Variants in XPO6 observed in about 807,000 individuals in gnomAD.
The protein encoded by XPO6 is exportin 6.
A neutral mutation model predicts 130.0 loss-of-function variants in XPO6; 3 were observed. The observed-to-expected ratio is 0.02, with a 90% confidence interval of 0.01 to 0.06. The LOEUF (loss-of-function observed/expected upper bound fraction) is 0.06, where lower values mean the gene tolerates loss of function less well. Among genes scored for constraint, XPO6 ranks in the 10% least tolerant of loss-of-function variants. The probability of loss-of-function intolerance (pLI) is 1.00; values close to 1 mark genes in which losing one functional copy is unlikely to be tolerated. For missense variants in XPO6, 970 were observed against 1,393.0 expected (o/e 0.70, Z 4.83); for synonymous variants, 524 against 548.9 (o/e 0.95, Z 0.63).
At position 28,135,309 on chromosome 16, in the gene XPO6, C is replaced by T. The variant is rs569592480; in HGVS notation, c.1350G>A (p.Leu450=). The T allele has an allele frequency of 1.5e-5, 24 of 1,613,694 alleles. No individual in the cohort carries two copies. The highest frequency in any genetic ancestry group is 2.7e-5 in the African/African-American group (2 of 75,034). ...TCAACACCTCTGTGAGCAGGAGCAC[C>T]AGGGCATCTTCGTACCTATGTGGCA... ...EAVLNRYEDA[L]VLLLTEVLNR... is the part of the protein sequence containing the mutation. Residue 450 remains leucine, a synonymous_variant, in exon 10 of 24, where the codon CTG becomes CTA. Coordinates refer to ENST00000304658, the MANE Select transcript of XPO6 (RefSeq NM_015171.4).
Position 28,101,170 on chromosome 16 carries a change from G to C in XPO6, c.3276+288C>G, listed in dbSNP as rs2086647666. On this transcript the variant is annotated intron_variant, in intron 23 of 23. Transcript: ENST00000304658. This position sits in a 1 kb window ranked among gnomAD's most constrained non-coding sequence, Gnocchi z 5.4. ...GGGAGAACGGCAGGGTCCTGGGTAT[G>C]AACAAAGATGCCAAGACAAATGGAG... 2.0e-6 allele frequency: 1 copy of C among 498,214 alleles called. No homozygotes were observed. Among genetic ancestry groups the C allele is most frequent in the African/African-American group, 1.9e-5 (1 of 51,624 alleles). The allele number at this position is 498,214 out of a possible 1,614,324, so 30.9% of individuals were successfully genotyped here. A position where few individuals can be genotyped will look rare whatever the true frequency, so the allele number is the denominator to read the frequency against.
At chr16:28,186,621 T>G (rs2043700084) in intron 1 of XPO6, among the ~76,000 whole-genome samples, 1 of 151,698 alleles carries the variant, frequency 6.6e-6, no homozygotes, top group Non-Finnish European at 1.5e-5. Context: ...CCTCCCACCT[T>G]GGCCTCCCAA....
chr16:28,177,869 T>G (rs2043556780), intron 2 of XPO6, among the ~76,000 whole-genome samples: 1 of 152,232 alleles, frequency 6.6e-6, no homozygotes, highest in Non-Finnish European at 1.5e-5. Flanking sequence ...TTCATTTGGG[T>G]TGGTTTTATT....
intron 1 of XPO6, among the ~76,000 whole-genome samples, chr16:28,189,989 G>A (rs2043759505): frequency 6.6e-6 from 1 of 152,186 alleles, no homozygotes; most frequent in Admixed American, 6.5e-5. Flanking sequence ...AGAGTTAGAA[G>A]CAAGATGACT....
At chr16:28,181,892 C>T (rs2043622541) in intron 1 of XPO6, among the ~76,000 whole-genome samples, 1 of 152,100 alleles carries the variant, frequency 6.6e-6, no homozygotes, top group African/African-American at 2.4e-5. Context: ...AGCTCAAGGC[C>T]CCCAGTACCC....
At chr16:28,105,916 A>G in intron 20 of XPO6, 127 bp downstream of exon 20, 1 of 1,410,252 alleles carries the variant, frequency 7.1e-7, no homozygotes, top group Non-Finnish European at 9.6e-7. Flanking sequence ...TCCTTGGGAG[A>G]AACTACTTTA....
chr16:28,155,131 G>C (rs2043163345), intron 7 of XPO6, among the ~76,000 whole-genome samples: 1 of 152,114 alleles, frequency 6.6e-6, no homozygotes, highest in Non-Finnish European at 1.5e-5. Flanking sequence ...TTATGCACTT[G>C]ATTTTATATT....
intron 15 of XPO6, among the ~76,000 whole-genome samples, chr16:28,116,384 C>T (rs1374827225): frequency 6.6e-6 from 1 of 151,964 alleles, no homozygotes; most frequent in East Asian, 1.9e-4. Context: ...ATGGCGTGAA[C>T]CCGGGAGACG....
intron 1 of XPO6, among the ~76,000 whole-genome samples, chr16:28,186,371 A>ATTTTTTTTTTTTTTTTTTTTT (rs1237138991): frequency 3.0e-4 from 3 of 10,130 alleles, no homozygotes; most frequent in Admixed American, 1.2e-3. Flanking sequence ...TGCCCCAGTT[A>ATTTTTTTTTTTTTTTTTTTTT]TTCTTTTTTT....
intron 9 of XPO6, among the ~76,000 whole-genome samples, chr16:28,137,479 G>C (rs2042802871): frequency 6.6e-6 from 1 of 152,156 alleles, no homozygotes; most frequent in Non-Finnish European, 1.5e-5. Context: ...ATACAGTTGA[G>C]TACTGGGACA....
intron 1 of XPO6, among the ~76,000 whole-genome samples, chr16:28,190,980 C>T (rs909471621): frequency 1.6e-4 from 25 of 152,124 alleles, no homozygotes; most frequent in African/African-American, 5.8e-4. Flanking sequence ...TAACTTATTC[C>T]TTGAAATCTT....
chr16:28,099,502 G>C (rs1158354429), intron 23 of XPO6, among the ~76,000 whole-genome samples: 1 of 152,236 alleles, frequency 6.6e-6, no homozygotes, highest in Non-Finnish European at 1.5e-5. Flanking sequence ...TGAGCAATCT[G>C]CTTCTGGGGA....
chr16:28,207,566 G>A lies in XPO6; in HGVS notation c.3+3800C>T, dbSNP rs146652242. ...TTTTAAACTGGTTCTAAATGTGAAG[G>A]TCAACAGGGATAGTGTAAACAAAAT... On this transcript the variant is annotated intron_variant, in intron 1 of 23. Transcript: ENST00000304658. Among the ~76,000 whole-genome samples, 175 of 152,296 alleles carry A rather than the reference G, an allele frequency of 1.1e-3. 1 individual carries two copies. Among genetic ancestry groups the A allele is most frequent in the African/African-American group, 3.5e-3 (146 of 41,548 alleles).
At chr16:28,182,095 C>T (rs1320905637) in intron 1 of XPO6, among the ~76,000 whole-genome samples, 1 of 152,198 alleles carries the variant, frequency 6.6e-6, no homozygotes, top group South Asian at 2.1e-4. Flanking sequence ...GAGCCAGCAG[C>T]AGTTGTGATT....
At chr16:28,155,830 G>C in intron 7 of XPO6, 1 of 971,050 alleles carries the variant, frequency 1.0e-6, no homozygotes. Context: ...ACAGGAGATG[G>C]ATGGGGAGAA....
chr16:28,160,902 C>G (rs1361491471), intron 6 of XPO6, among the ~76,000 whole-genome samples: 3 of 152,084 alleles, frequency 2.0e-5, no homozygotes, highest in Non-Finnish European at 2.9e-5. Flanking sequence ...GTATTTTACC[C>G]AAAAATAGTG....
intron 12 of XPO6, among the ~76,000 whole-genome samples, chr16:28,129,712 T>G (rs1457729238): frequency 6.6e-6 from 1 of 152,094 alleles, no homozygotes; most frequent in African/African-American, 2.4e-5. Context: ...TAATCATAAA[T>G]CATAAACGGA....
intron 1 of XPO6, among the ~76,000 whole-genome samples, chr16:28,202,798 A>C (rs1302382039): frequency 2.6e-5 from 4 of 152,230 alleles, no homozygotes; most frequent in Non-Finnish European, 5.9e-5. Flanking sequence ...TGGGAGGCTA[A>C]ACCAAGAGAC....
Position 28,107,571 on chromosome 16 carries a change from T to C in XPO6, c.2448A>G (p.Glu816=), listed in dbSNP as rs1190091111. The stretch of plus-strand genomic sequence containing the variant: ...AGAGGGCCAGGGAGACCTGAACAGA[T>C]TCCTGCAGCGACTGGTAGCAAATCT... ...SRQICYQSLQ[E]SVQVSLALFP... The change falls in exon 18 of 24, where the codon GAA becomes GAG. Residue 816 remains glutamate, a synonymous_variant. Coordinates refer to ENST00000304658, the MANE Select transcript of XPO6 (RefSeq NM_015171.4). 6.2e-7 allele frequency: 1 copy of C among 1,614,130 alleles called. No homozygotes were observed. Among genetic ancestry groups the C allele is most frequent in the Non-Finnish European group, 8.5e-7 (1 of 1,180,012 alleles).
Sources: gnomAD v4.1 joint callset for allele counts (sites outside exome capture counted in the v4.1 genomes callset) on GRCh38, gnomAD v4.1.1 for gene constraint, Gnocchi (gnomAD v3.1) non-coding constraint, MANE v1.5 for transcripts, NCBI Gene and HGNC (gene_info 2026-07-23, HGNC 2026-07-21) for gene names.